B3GAT2: variants seen among roughly 807,000 people sequenced by gnomAD.
B3GAT2 encodes beta-1,3-glucuronyltransferase 2.
Under a neutral mutation model 27.8 loss-of-function variants are expected in B3GAT2, and 26 were observed. That is an observed-to-expected ratio of 0.93 (90% confidence interval 0.68 to 1.30). The LOEUF (loss-of-function observed/expected upper bound fraction) is 1.30. B3GAT2 is among the 50% of genes most tolerant of loss of function. The pLI is 0.00. For missense variants in B3GAT2, 458 were observed against 459.0 expected (o/e 1.00, Z 0.02); for synonymous variants, 218 against 195.1 (o/e 1.12, Z -0.98).
intron 1 of B3GAT2, among the ~76,000 whole-genome samples, chr6:70,900,623 C>G (rs961999049): frequency 1.3e-5 from 2 of 152,180 alleles, no homozygotes; most frequent in African/African-American, 2.4e-5. Flanking sequence ...CTTTAGCCAG[C>G]TTTTCTTTCT....
chr6:70,869,666 G>A (rs1771903497), intron 2 of B3GAT2, among the ~76,000 whole-genome samples: 1 of 152,094 alleles, frequency 6.6e-6, no homozygotes, highest in Non-Finnish European at 1.5e-5. Context: ...TATTGTGAAT[G>A]AAATTTTCTT....
chr6:70,885,930 C>T (rs1772176877), intron 2 of B3GAT2, among the ~76,000 whole-genome samples: 1 of 152,188 alleles, frequency 6.6e-6, no homozygotes, highest in African/African-American at 2.4e-5. Context: ...GCATGGACCT[C>T]ACCACTGTGA....
intron 1 of B3GAT2, among the ~76,000 whole-genome samples, chr6:70,895,039 A>C (rs925885659): frequency 6.6e-6 from 1 of 152,212 alleles, no homozygotes; most frequent in East Asian, 1.9e-4. Flanking sequence ...TCCAGGGCTC[A>C]TGCTGAACAG....
At chr6:70,884,103 A>G (rs1312111253) in intron 2 of B3GAT2, among the ~76,000 whole-genome samples, 1 of 150,098 alleles carries the variant, frequency 6.7e-6, no homozygotes, top group African/African-American at 2.5e-5. Context: ...CTCAAAAAAA[A>G]AAAAAAAAAA....
rs1771570587 is a variant in B3GAT2, at chr6:70,859,004, C to T, written c.*2659G>A. ...GCTCTTAGAGAGGTTCATGCTCCCA[C>T]TCTTCTTCCTTTTACACTTCCCATT... On this transcript the variant is annotated 3_prime_UTR_variant, in exon 4 of 4. Coordinates refer to ENST00000230053, the MANE Select transcript of B3GAT2 (RefSeq NM_080742.3). 1 of 187,772 alleles carries T rather than the reference C, an allele frequency of 5.3e-6. No individual in the cohort carries two copies. Among genetic ancestry groups the T allele is most frequent in the Admixed American group, 5.9e-5 (1 of 16,850 alleles). The allele number at this position is 187,772 out of a possible 1,614,324, so 11.6% of individuals were successfully genotyped here.
intron 1 of B3GAT2, among the ~76,000 whole-genome samples, chr6:70,914,536 TA>T (rs1772737695): frequency 6.6e-6 from 1 of 152,240 alleles, no homozygotes; most frequent in African/African-American, 2.4e-5. Flanking sequence ...CTATTATTAT[TA>T]TTTTTTTTAA....
At chr6:70,887,832 GCATCAGTGCAGGCCC>G (rs1391582236) in intron 2 of B3GAT2, among the ~76,000 whole-genome samples, 3 of 152,182 alleles carry the variant, frequency 2.0e-5, no homozygotes, top group African/African-American at 7.2e-5. Context: ...CCAGGCAGGG[GCATCAGTGCAGGCCC>G]CAAAGGGAAG....
intron 1 of B3GAT2, among the ~76,000 whole-genome samples, chr6:70,895,996 G>A (rs1208116623): frequency 6.6e-6 from 1 of 152,114 alleles, no homozygotes; most frequent in African/African-American, 2.4e-5. Flanking sequence ...CCCTTATAAG[G>A]TTATTTTATC....
At chr6:70,928,419 A>G (rs1384847926) in intron 1 of B3GAT2, among the ~76,000 whole-genome samples, 2 of 152,180 alleles carry the variant, frequency 1.3e-5, no homozygotes, top group Non-Finnish European at 2.9e-5. Flanking sequence ...TGAAAAGATC[A>G]ACAAAATTGA....
Position 70,956,750 on chromosome 6 carries a change from G to A in B3GAT2, c.-321C>T, listed in dbSNP as rs1327462230. 4.0e-6 allele frequency: 5 copies of A among 1,256,312 alleles called. No individual in the cohort carries two copies. The African/African-American group carries it at 8.0e-5, about 20-fold the overall frequency. 77.8% of individuals were successfully genotyped at this position (1,256,312 alleles called of 1,614,324 possible). A position where few individuals can be genotyped will look rare whatever the true frequency, so the allele number is the denominator to read the frequency against. On this transcript the variant is annotated 5_prime_UTR_variant, in exon 1 of 4. Coordinates refer to ENST00000230053, the MANE Select transcript of B3GAT2 (RefSeq NM_080742.3). ...CCGGAGTTGTGCCGAGTGCGGGAAAGGCGCTGATCCCCACCGCGCTCTTTC... is the reference window on the plus strand; with the variant it reads ...CCGGAGTTGTGCCGAGTGCGGGAAAAGCGCTGATCCCCACCGCGCTCTTTC...
chr6:70,899,192 C>G (rs572504613), intron 1 of B3GAT2, among the ~76,000 whole-genome samples: 29 of 152,114 alleles, frequency 1.9e-4, no homozygotes, highest in Non-Finnish European at 3.8e-4. Flanking sequence ...GAATAATAAA[C>G]TATACCTGTG....
At chr6:70,903,509 G>GA (rs1431529715) in intron 1 of B3GAT2, among the ~76,000 whole-genome samples, 1 of 151,708 alleles carries the variant, frequency 6.6e-6, no homozygotes, top group East Asian at 1.9e-4. Context: ...CATAGCTCAA[G>GA]AAAAAAGACA....
intron 1 of B3GAT2, among the ~76,000 whole-genome samples, chr6:70,914,062 T>C (rs1413916625): frequency 6.6e-6 from 1 of 152,218 alleles, no homozygotes; most frequent in Non-Finnish European, 1.5e-5. Flanking sequence ...TAAACCTTTA[T>C]TTTGAGCCTA....
At chr6:70,925,123 C>T (rs2504741) in intron 1 of B3GAT2, among the ~76,000 whole-genome samples, 22,026 of 152,214 alleles carry the variant, frequency 0.14, 1,907 homozygotes, top group East Asian at 0.34. Flanking sequence ...GCACTCATTC[C>T]TTTGTCATCT....
At chr6:70,918,150 T>C (rs946173380) in intron 1 of B3GAT2, among the ~76,000 whole-genome samples, 2 of 152,214 alleles carry the variant, frequency 1.3e-5, no homozygotes, top group African/African-American at 4.8e-5. Flanking sequence ...CCTTTACCAT[T>C]ATGTTAACGG....
chr6:70,884,847 G>A (rs756726953), intron 2 of B3GAT2, among the ~76,000 whole-genome samples: 3 of 152,230 alleles, frequency 2.0e-5, no homozygotes, highest in Non-Finnish European at 2.9e-5. Context: ...TTAAAATTGA[G>A]GTGAACTGAT....
intron 2 of B3GAT2, among the ~76,000 whole-genome samples, chr6:70,880,029 T>C (rs981110333): frequency 9.8e-5 from 13 of 132,800 alleles, no homozygotes; most frequent in African/African-American, 3.4e-4. Context: ...GAAATGAAGC[T>C]GTGGAGCTAG....
intron 2 of B3GAT2, among the ~76,000 whole-genome samples, chr6:70,876,391 C>T (rs992292719): frequency 4.6e-5 from 7 of 152,000 alleles, no homozygotes; most frequent in South Asian, 2.1e-4. Context: ...AATAGTGTGG[C>T]GGGGAAGGAC....
intron 1 of B3GAT2, among the ~76,000 whole-genome samples, chr6:70,897,542 C>T (rs1772408788): frequency 6.6e-6 from 1 of 151,402 alleles, no homozygotes. Context: ...AGTTCGAGAC[C>T]AGCCTGGCCA....
Sources: gnomAD v4.1 joint callset for allele counts (sites outside exome capture counted in the v4.1 genomes callset) on GRCh38, gnomAD v4.1.1 for gene constraint, MANE v1.5 for transcripts, NCBI Gene and HGNC (gene_info 2026-07-23, HGNC 2026-07-21) for gene names.